PDE9A: variants seen among roughly 807,000 people sequenced by gnomAD.
PDE9A encodes the protein high affinity cGMP-specific 3',5'-cyclic phosphodiesterase 9A.
PDE9A carries 60 observed loss-of-function variants against 87.4 expected under a neutral mutation model. The observed-to-expected ratio is 0.69, with a 90% CI of 0.56 to 0.85. PDE9A has a LOEUF of 0.85. Ranked by LOEUF, PDE9A falls within the 40% of genes least tolerant of loss-of-function variation. The probability of loss-of-function intolerance (pLI) is 0.00; values close to 1 mark genes in which losing one functional copy is unlikely to be tolerated. For synonymous variants in PDE9A, 272 were observed against 279.4 expected (o/e 0.97, Z 0.27); for missense variants, 665 against 779.0 (o/e 0.85, Z 1.74).
At position 42,737,075 on chromosome 21, in the gene PDE9A, C is replaced by A. The variant is rs73905760; in HGVS notation, c.568+3649C>A. Among the ~76,000 whole-genome samples the A allele has an allele frequency of 6.1e-3, 934 of 152,338 alleles. 8 individuals are homozygous for A. The highest frequency in any genetic ancestry group is 0.022 in the African/African-American group (897 of 41,578). ...GGAGAGGGCCTGCAGCTGAACCTCTCACGCAGGCCACTGGGTAGGTGCGCG... is the reference window on the plus strand; with the variant it reads ...GGAGAGGGCCTGCAGCTGAACCTCTAACGCAGGCCACTGGGTAGGTGCGCG... On this transcript the variant is annotated intron_variant, in intron 7 of 19. Transcript: ENST00000291539.
intron 4 of PDE9A, among the ~76,000 whole-genome samples, chr21:42,717,635 A>G (rs902890028): frequency 1.3e-5 from 2 of 151,108 alleles, no homozygotes; most frequent in African/African-American, 4.9e-5. Context: ...CAGGTGATCC[A>G]CCCACCTCGG....
chr21:42,753,889 A>G lies in PDE9A; in HGVS notation c.736-101A>G, dbSNP rs534424842. 17 of 639,188 alleles carry G rather than the reference A, an allele frequency of 2.7e-5. No homozygotes were observed. The African/African-American group carries it at 3.2e-4, about 12-fold the overall frequency. The allele number at this position is 639,188 out of a possible 1,614,324, so 39.6% of individuals were successfully genotyped here. On this transcript the variant is annotated intron_variant, in intron 9 of 19. Coordinates refer to ENST00000291539, the MANE Select transcript of PDE9A (RefSeq NM_002606.3). ...AAAAAAAAAAAAAAAGAAAGAAAGAAAAAGAAAGAGAACGGGAGAAAGAGG... is the reference window on the plus strand; with the variant it reads ...AAAAAAAAAAAAAAAGAAAGAAAGAGAAAGAAAGAGAACGGGAGAAAGAGG...
intron 1 of PDE9A, among the ~76,000 whole-genome samples, chr21:42,670,140 TACAC>T (rs376576559): frequency 4.7e-5 from 7 of 149,384 alleles, no homozygotes; most frequent in South Asian, 4.3e-4. Flanking sequence ...CACACATGCT[TACAC>T]ACACATTCAC....
rs2052881437 is a variant in PDE9A at position 42,739,554 on chromosome 21, A to T, written c.569-4222A>T. 6.6e-6 allele frequency among the ~76,000 whole-genome samples: 1 copy of T among 152,228 alleles called. No individual in the cohort carries two copies. The highest frequency in any genetic ancestry group is 1.5e-5 in the Non-Finnish European group (1 of 68,042). On this transcript the variant is annotated intron_variant, in intron 7 of 19. Transcript: ENST00000291539. This position sits in a 1 kb window ranked among gnomAD's most constrained non-coding sequence, Gnocchi z 4.1. ...TCTTCATTGAGGAATGCACTTTTGC[A>T]ATGTTGTTACTCACTATCCATCTAC...
At chr21:42,666,789 C>T (rs930056523) in intron 1 of PDE9A, among the ~76,000 whole-genome samples, 1 of 152,180 alleles carries the variant, frequency 6.6e-6, no homozygotes, top group Non-Finnish European at 1.5e-5. Context: ...TGAATTTTGA[C>T]GGGACACAGT....
At chr21:42,757,717 GGC>G (rs2055229000) in intron 10 of PDE9A, 1 of 152,068 alleles carries the variant, frequency 6.6e-6, no homozygotes. Flanking sequence ...CCTTCTTCCT[GGC>G]CAGCAAGATG....
chr21:42,657,808 G>C (rs574549450), intron 1 of PDE9A, among the ~76,000 whole-genome samples: 1 of 152,190 alleles, frequency 6.6e-6, no homozygotes, highest in Non-Finnish European at 1.5e-5. Flanking sequence ...CGGCCCCCTC[G>C]GGACACTCGC....
At chr21:42,697,532 C>T (rs2060211315) in intron 3 of PDE9A, 1 of 1,175,850 alleles carries the variant, frequency 8.5e-7, no homozygotes, top group South Asian at 1.2e-5. Flanking sequence ...TAACAACTAC[C>T]TGACACTGCA....
rs1295265978 is a variant in PDE9A, at chr21:42,659,247, A to C, written c.69+5364A>C. On this transcript the variant is annotated intron_variant, in intron 1 of 19. Coordinates refer to ENST00000291539, the MANE Select transcript of PDE9A (RefSeq NM_002606.3). This position sits in a 1 kb window ranked among gnomAD's most constrained non-coding sequence, Gnocchi z 4.1. Reference sequence around the variant, plus strand: ...CATTTCCAATGTCCAGAGGCCCAGGAGGGGACAGCTGGAAGCCAGAAGCCC... The same window carrying C: ...CATTTCCAATGTCCAGAGGCCCAGGCGGGGACAGCTGGAAGCCAGAAGCCC... 1.3e-5 allele frequency among the ~76,000 whole-genome samples: 2 copies of C among 152,172 alleles called. No homozygotes were observed. Among genetic ancestry groups the C allele is most frequent in the Non-Finnish European group, 2.9e-5 (2 of 68,022 alleles).
rs2057352589 is a variant in PDE9A, at chr21:42,659,847, G to T, written c.69+5964G>T. Among the ~76,000 whole-genome samples the T allele has an allele frequency of 6.6e-6, 1 of 152,262 alleles. No homozygotes were observed. The highest frequency in any genetic ancestry group is 2.4e-5 in the African/African-American group (1 of 41,476). Reference sequence around the variant, plus strand: ...TGGCCTCAGAAATGGGCAAAAGACAGCTCTCGTTGTCAGCGAGGTAAATCT... The same window carrying T: ...TGGCCTCAGAAATGGGCAAAAGACATCTCTCGTTGTCAGCGAGGTAAATCT... On this transcript the variant is annotated intron_variant, in intron 1 of 19. Transcript: ENST00000291539. This position sits in a 1 kb window ranked among gnomAD's most constrained non-coding sequence, Gnocchi z 4.1.
chr21:42,661,790 T>G (rs2057519738), intron 1 of PDE9A, among the ~76,000 whole-genome samples: 1 of 152,212 alleles, frequency 6.6e-6, no homozygotes, highest in Non-Finnish European at 1.5e-5. Flanking sequence ...ACGTCTTGAG[T>G]CATGGCTGTG....
chr21:42,682,965 G>A (rs1056569780), intron 1 of PDE9A, among the ~76,000 whole-genome samples: 15 of 152,200 alleles, frequency 9.9e-5, no homozygotes, highest in Admixed American at 9.8e-4. Flanking sequence ...AGGAAGGAGA[G>A]CAGATGGTGA....
chr21:42,704,333 C>T lies in PDE9A; in HGVS notation c.262+5322C>T, dbSNP rs2269146. Among the ~76,000 whole-genome samples, 16,754 of 152,032 alleles carry T rather than the reference C, an allele frequency of 0.11. 1,206 individuals carry two copies. Among genetic ancestry groups the T allele is most frequent in the East Asian group, 0.35 (1,811 of 5,142 alleles). ...CTGGGCTAACACCACCTTTCCCCGC[C>T]TCTGGGTGCGTGGGGACCCCGCTCT... On this transcript the variant is annotated intron_variant, in intron 4 of 19. Transcript: ENST00000291539. The surrounding 1 kb of genome is among the most constrained non-coding windows in gnomAD (Gnocchi z 5.3).
rs1342229228 is a variant in PDE9A at position 42,759,591 on chromosome 21, G to A, written c.897+506G>A. Among the ~76,000 whole-genome samples the A allele has an allele frequency of 6.6e-6, 1 of 151,510 alleles. No homozygotes were observed. The highest frequency in any genetic ancestry group is 1.5e-5 in the Non-Finnish European group (1 of 67,836). On this transcript the variant is annotated intron_variant, in intron 11 of 19. Transcript: ENST00000291539. The surrounding 1 kb of genome is among the most constrained non-coding windows in gnomAD (Gnocchi z 7.2). Reference sequence around the variant, plus strand: ...TGGGGGTATCTGAGTTTACGGGTGGGTGTGTGTGAATGTGTGGTGGGAGTG... The same window carrying A: ...TGGGGGTATCTGAGTTTACGGGTGGATGTGTGTGAATGTGTGGTGGGAGTG...
At chr21:42,699,436 G>A (rs2060321105) in intron 4 of PDE9A, among the ~76,000 whole-genome samples, 1 of 152,228 alleles carries the variant, frequency 6.6e-6, no homozygotes, top group Admixed American at 6.5e-5. Flanking sequence ...TCCTGGCCCA[G>A]CACCTGTCCT....
intron 3 of PDE9A, among the ~76,000 whole-genome samples, chr21:42,698,398 C>G (rs977629628): frequency 6.6e-6 from 1 of 152,216 alleles, no homozygotes; most frequent in Non-Finnish European, 1.5e-5. Context: ...CCTTCCCTGC[C>G]TCTTGGCCAG....
chr21:42,754,113 G>T, intron 10 of PDE9A, 49 bp downstream of exon 10: 4 of 1,162,954 alleles, frequency 3.4e-6, no homozygotes, highest in Non-Finnish European at 5.1e-6. Flanking sequence ...GGCAGCTCAG[G>T]ATCTTGGACG....
At chr21:42,715,188 C>CTT (rs369972172) in intron 4 of PDE9A, among the ~76,000 whole-genome samples, 5,866 of 104,574 alleles carry the variant, frequency 0.056, 729 homozygotes, top group African/African-American at 0.22. Flanking sequence ...TGCATCTTTA[C>CTT]TTTTTTTTTT....
rs1435548007 is a variant in PDE9A, at chr21:42,695,150, CTGAT to C, written c.219-3815_219-3812del. ...CATCATGGAAAATATGGAAAATAGGCTGATTGGCTTCCACTCCCTTTTAGAGCTG... is the reference window on the plus strand; with the variant it reads ...CATCATGGAAAATATGGAAAATAGGCTGGCTTCCACTCCCTTTTAGAGCTG... On this transcript the variant is annotated intron_variant, in intron 3 of 19. Coordinates refer to ENST00000291539, the MANE Select transcript of PDE9A (RefSeq NM_002606.3). The surrounding 1 kb of genome is among the most constrained non-coding windows in gnomAD (Gnocchi z 4.3). Among the ~76,000 whole-genome samples the C allele has an allele frequency of 2.0e-5, 3 of 152,316 alleles. No individual in the cohort carries two copies. Among genetic ancestry groups the C allele is most frequent in the South Asian group, 4.1e-4 (2 of 4,828 alleles).
Sources: allele counts gnomAD v4.1 joint callset (sites outside exome capture counted in the v4.1 genomes callset), GRCh38; gene constraint gnomAD v4.1.1; non-coding constraint Gnocchi (gnomAD v3.1); transcripts MANE v1.5; gene names NCBI Gene and HGNC (gene_info 2026-07-23, HGNC 2026-07-21).